FOXK2: variants seen among roughly 807,000 people sequenced by gnomAD.
FOXK2 encodes forkhead box K2.
In FOXK2, 24 loss-of-function variants were observed where a neutral mutation model predicts 53.3. The ratio of observed to expected loss-of-function variants is 0.45; its 90% CI spans 0.33 to 0.63. The LOEUF (loss-of-function observed/expected upper bound fraction) is 0.63. FOXK2 is among the 30% of genes least tolerant of loss of function. FOXK2 has a pLI of 0.03. For synonymous variants in FOXK2, 505 were observed against 407.1 expected (o/e 1.24, Z -2.89); for missense variants, 952 against 910.5 (o/e 1.05, Z -0.59).
Position 82,571,973 on chromosome 17 carries a change from G to C in FOXK2, c.909+103G>C, listed in dbSNP as rs577053543. ...CAGGCACAGGATAGGAAGGTAGAAGGGGGGGTTGGAGCCTCCCGTGCTGAG... is the reference window on the plus strand; with the variant it reads ...CAGGCACAGGATAGGAAGGTAGAAGCGGGGGTTGGAGCCTCCCGTGCTGAG... On this transcript the variant is annotated intron_variant, in intron 4 of 8. Transcript: ENST00000335255. 182 of 1,227,372 alleles carry C rather than the reference G, an allele frequency of 1.5e-4. 1 individual carries two copies. The highest frequency in any genetic ancestry group is 1.2e-3 in the Middle Eastern group (5 of 4,222). The allele number at this position is 1,227,372 out of a possible 1,614,324, so 76.0% of individuals were successfully genotyped here.
At chr17:82,531,854 A>G (rs2044474823) in intron 1 of FOXK2, among the ~76,000 whole-genome samples, 1 of 152,122 alleles carries the variant, frequency 6.6e-6, no homozygotes, top group Admixed American at 6.5e-5. Context: ...TACTTTATTT[A>G]TTTGAGAAGG....
intron 2 of FOXK2, among the ~76,000 whole-genome samples, chr17:82,565,718 A>G (rs1193113599): frequency 6.6e-6 from 1 of 152,218 alleles, no homozygotes; most frequent in African/African-American, 2.4e-5. Context: ...AGGAATGCCA[A>G]ACCGTGCAGC....
chr17:82,578,954 C>G (rs566401037), intron 4 of FOXK2, among the ~76,000 whole-genome samples: 1 of 152,278 alleles, frequency 6.6e-6, no homozygotes, highest in South Asian at 2.1e-4. Flanking sequence ...TAAGAGCATG[C>G]AAATTAAATG....
chr17:82,536,259 C>A (rs571357318), intron 1 of FOXK2, among the ~76,000 whole-genome samples: 1 of 152,284 alleles, frequency 6.6e-6, no homozygotes, highest in South Asian at 2.1e-4. Flanking sequence ...TCTGGCCTTC[C>A]CCAGAATAGT....
chr17:82,527,281 C>T (rs1177883457), intron 1 of FOXK2, among the ~76,000 whole-genome samples: 1 of 151,960 alleles, frequency 6.6e-6, no homozygotes, highest in Non-Finnish European at 1.5e-5. Flanking sequence ...GCTGGGATTA[C>T]AGGCATGCAC....
chr17:82,527,841 C>G (rs942524324), intron 1 of FOXK2, among the ~76,000 whole-genome samples: 1 of 152,170 alleles, frequency 6.6e-6, no homozygotes, highest in African/African-American at 2.4e-5. Context: ...CACTCTGTCA[C>G]CCAGGCTGGA....
intron 1 of FOXK2, among the ~76,000 whole-genome samples, chr17:82,562,438 G>A (rs1383561892): frequency 1.3e-5 from 2 of 152,120 alleles, no homozygotes; most frequent in Non-Finnish European, 2.9e-5. Context: ...AAATTAGCCG[G>A]GCGTGGTAGT....
intron 1 of FOXK2, among the ~76,000 whole-genome samples, chr17:82,532,395 C>T (rs11650802): frequency 0.049 from 7,413 of 151,192 alleles, 207 homozygotes; most frequent in African/African-American, 0.073. Context: ...CCACCCACCT[C>T]GGCCTCCCAA....
chr17:82,551,460 G>A (rs2044676910), intron 1 of FOXK2, among the ~76,000 whole-genome samples: 1 of 152,188 alleles, frequency 6.6e-6, no homozygotes, highest in African/African-American at 2.4e-5. Flanking sequence ...TGGATCACCT[G>A]AGGTCAGGAG....
chr17:82,562,024 C>T (rs1179181068), intron 1 of FOXK2, among the ~76,000 whole-genome samples: 1 of 152,194 alleles, frequency 6.6e-6, no homozygotes, highest in East Asian at 1.9e-4. Context: ...TGTTTGTGGA[C>T]ATACAAATAG....
intron 1 of FOXK2, among the ~76,000 whole-genome samples, chr17:82,535,580 T>C (rs2044512024): frequency 6.6e-6 from 1 of 152,192 alleles, no homozygotes; most frequent in Admixed American, 6.6e-5. Context: ...TTCTTGTGCC[T>C]GCTCAGATGT....
chr17:82,527,164 A>G (rs988014689), intron 1 of FOXK2, among the ~76,000 whole-genome samples: 2 of 152,126 alleles, frequency 1.3e-5, no homozygotes, highest in African/African-American at 4.8e-5. Context: ...GGCGCTTTGC[A>G]CTTTGAAAAG....
intron 8 of FOXK2, among the ~76,000 whole-genome samples, chr17:82,588,911 T>C (rs1307408891): frequency 7.3e-6 from 1 of 136,524 alleles, no homozygotes; most frequent in East Asian, 2.1e-4. Flanking sequence ...AAAAACAAAT[T>C]AGCCGGGTCT....
At chr17:82,537,544 G>A (rs558545627) in intron 1 of FOXK2, among the ~76,000 whole-genome samples, 2 of 149,554 alleles carry the variant, frequency 1.3e-5, no homozygotes, top group East Asian at 4.0e-4. Context: ...GCCTGAACCT[G>A]GGAAGTGGAA....
In FOXK2 at chr17:82,587,258, G is replaced by C. The variant is rs200853971; in HGVS notation, c.1772G>C (p.Gly591Ala). 30 of 1,612,748 alleles carry C rather than the reference G, an allele frequency of 1.9e-5. No individual in the cohort carries two copies. In the East Asian group the frequency reaches 6.2e-4, roughly 34 times the overall value. The change falls in exon 8 of 9, where the codon GGC (glycine) becomes GCC (alanine). Residue 591 changes from glycine to alanine, a missense_variant. Physicochemically the swap from Gly to Ala is moderately conservative, Grantham distance 60. Coordinates refer to ENST00000335255, the MANE Select transcript of FOXK2 (RefSeq NM_004514.4). ...HVASVPTAVH[G>A]QVNNAAASPL... ...GCATCAGTCCCCACTGCGGTCCACG[G>C]CCAGGTGAACAATGGTAAGACATGC...
intron 4 of FOXK2, among the ~76,000 whole-genome samples, chr17:82,579,958 C>G (rs1194029701): frequency 8.0e-6 from 1 of 125,678 alleles, no homozygotes; most frequent in Non-Finnish European, 1.7e-5. Context: ...CCATGTCGCC[C>G]ATGAAGTAGC....
At chr17:82,551,913 G>C (rs1258194157) in intron 1 of FOXK2, among the ~76,000 whole-genome samples, 1 of 152,344 alleles carries the variant, frequency 6.6e-6, no homozygotes. Context: ...GGCCTGGCAC[G>C]GTGCTCCACC....
rs2045079641 is a variant in FOXK2 at position 82,582,797 on chromosome 17, C to G, written c.966C>G (p.Ser322=). ...LNRYFIKVPR[S]QEEPGKGSFW... is the part of the protein sequence containing the mutation. Reference sequence around the variant, plus strand: ...GTTATTTCATCAAAGTGCCGCGTTCCCAGGAAGAACCAGGCAAAGGCTCGT... The same window carrying G: ...GTTATTTCATCAAAGTGCCGCGTTCGCAGGAAGAACCAGGCAAAGGCTCGT... Residue 322 remains serine, a synonymous_variant, in exon 5 of 9, where the codon TCC becomes TCG. Transcript: ENST00000335255. 2 of 1,610,152 alleles carry G rather than the reference C, an allele frequency of 1.2e-6. No homozygotes were observed. The highest frequency in any genetic ancestry group is 1.7e-5 in the Admixed American group (1 of 58,974).
intron 1 of FOXK2, among the ~76,000 whole-genome samples, chr17:82,541,057 G>A (rs2044570055): frequency 6.6e-6 from 1 of 152,074 alleles, no homozygotes; most frequent in African/African-American, 2.4e-5. Context: ...AGCGGTTGGA[G>A]GGTGTTTGAG....
Sources: gnomAD v4.1 joint callset for allele counts (sites outside exome capture counted in the v4.1 genomes callset) on GRCh38, gnomAD v4.1.1 for gene constraint, MANE v1.5 for transcripts, NCBI Gene and HGNC (gene_info 2026-07-23, HGNC 2026-07-21) for gene names.